Variants in ERG observed in about 807,000 individuals in gnomAD.
ERG encodes the protein ETS transcription factor ERG, also known as transcriptional regulator ERG.
Under a neutral mutation model 55.3 loss-of-function variants are expected in ERG, and 9 were observed. The observed-to-expected ratio is 0.16, with a 90% CI of 0.10 to 0.28. The LOEUF (loss-of-function observed/expected upper bound fraction) is 0.28. Among genes scored for constraint, ERG ranks in the 10% least tolerant of loss-of-function variants. ERG has a pLI of 1.00. For missense variants in ERG, 434 were observed against 631.6 expected (o/e 0.69, Z 3.35); for synonymous variants, 223 against 237.3 (o/e 0.94, Z 0.55).
At chr21:38,397,748 A>C (rs1988299599) in intron 6 of ERG, among the ~76,000 whole-genome samples, 1 of 152,120 alleles carries the variant, frequency 6.6e-6, no homozygotes, top group Admixed American at 6.5e-5. Flanking sequence ...GCAGCAGGAC[A>C]ACACACATGT....
chr21:38,577,887 G>T (rs1384789931), intron 1 of ERG, among the ~76,000 whole-genome samples: 1 of 152,154 alleles, frequency 6.6e-6, no homozygotes, highest in African/African-American at 2.4e-5. Flanking sequence ...ACTGAAGCTC[G>T]TCCCCCTCCC....
intron 2 of ERG, among the ~76,000 whole-genome samples, chr21:38,546,947 C>T (rs536159200): frequency 6.6e-6 from 1 of 152,300 alleles, no homozygotes; most frequent in East Asian, 1.9e-4. Flanking sequence ...TCAGTTATGA[C>T]TTATTTCATG....
intron 3 of ERG, among the ~76,000 whole-genome samples, chr21:38,422,595 T>C (rs1051384279): frequency 5.8e-4 from 89 of 152,380 alleles, no homozygotes; most frequent in African/African-American, 2.1e-3. Flanking sequence ...GTTGTTCTTA[T>C]ATTTCTGGCT....
At chr21:38,476,037 T>C (rs916045264) in intron 1 of ERG, among the ~76,000 whole-genome samples, 19 of 152,184 alleles carry the variant, frequency 1.2e-4, no homozygotes, top group Non-Finnish European at 2.5e-4. Context: ...TTCAGGCAAA[T>C]ATGTCATGAT....
chr21:38,567,731 G>A (rs899920384), intron 2 of ERG, among the ~76,000 whole-genome samples: 2 of 152,192 alleles, frequency 1.3e-5, no homozygotes, highest in African/African-American at 4.8e-5. Flanking sequence ...GGGCTCCATC[G>A]TGAAATCCAC....
intron 1 of ERG, among the ~76,000 whole-genome samples, chr21:38,482,327 G>A (rs1486453123): frequency 2.0e-5 from 3 of 152,160 alleles, no homozygotes; most frequent in East Asian, 1.9e-4. Context: ...ATCACCTCAC[G>A]CCTGTTCAGA....
intron 1 of ERG, among the ~76,000 whole-genome samples, chr21:38,575,936 T>C (rs2059992081): frequency 6.6e-6 from 1 of 152,216 alleles, no homozygotes; most frequent in African/African-American, 2.4e-5. Context: ...TTCCCTTCCA[T>C]TGGGAAAATC....
At chr21:38,522,095 C>T (rs1366113990) in intron 2 of ERG, among the ~76,000 whole-genome samples, 2 of 152,122 alleles carry the variant, frequency 1.3e-5, no homozygotes, top group African/African-American at 4.8e-5. Flanking sequence ...TTGCTTTAAT[C>T]TAAACCTAAA....
chr21:38,378,020 C>G (rs1466601376), downstream of ERG, among the ~76,000 whole-genome samples: 1 of 152,194 alleles, frequency 6.6e-6, no homozygotes, highest in Non-Finnish European at 1.5e-5. Context: ...ATTTTAATCT[C>G]CAAGCAGACT....
chr21:38,444,513 T>C (rs2058870923), intron 2 of ERG, among the ~76,000 whole-genome samples: 1 of 152,238 alleles, frequency 6.6e-6, no homozygotes, highest in Non-Finnish European at 1.5e-5. Flanking sequence ...AGATTTGATA[T>C]TCTTTTTCCT....
rs760116190 is a variant in ERG at position 38,445,475 on chromosome 21, A to G, written c.165T>C (p.Asp55=). The G allele has an allele frequency of 1.9e-5, 31 of 1,614,010 alleles. No individual in the cohort carries two copies. The South Asian group carries it at 2.7e-4, about 14-fold the overall frequency. The change falls in exon 2 of 10, where the codon GAT becomes GAC. Residue 55 remains aspartate, a synonymous_variant. Coordinates refer to ENST00000288319, the MANE Select transcript of ERG (RefSeq NM_182918.4). ...CCCTGGCTGGGGGTTGAGACAGCCA[A>G]TCCTGCTGAGGGACGCGTGGGCTCA... ...SKMSPRVPQQ[D]WLSQPPARVT...
intron 1 of ERG, among the ~76,000 whole-genome samples, chr21:38,602,104 G>GT (rs1277406479): frequency 6.6e-6 from 1 of 152,124 alleles, no homozygotes; most frequent in Non-Finnish European, 1.5e-5. Context: ...ATGCATCTCA[G>GT]TTTTTAACTT....
chr21:38,606,998 T>C (rs927259091), intron 1 of ERG, among the ~76,000 whole-genome samples: 12 of 152,214 alleles, frequency 7.9e-5, no homozygotes, highest in Admixed American at 5.2e-4. Context: ...AGTCATATCA[T>C]GATAAAACAT....
chr21:38,519,353 C>T (rs922961934), intron 2 of ERG, among the ~76,000 whole-genome samples: 2 of 152,220 alleles, frequency 1.3e-5, no homozygotes, highest in Non-Finnish European at 2.9e-5. Flanking sequence ...CATTACTACC[C>T]TCAGGCCTAC....
At chr21:38,503,577 T>C (rs1179154167) in intron 2 of ERG, among the ~76,000 whole-genome samples, 3 of 152,130 alleles carry the variant, frequency 2.0e-5, no homozygotes, top group Admixed American at 6.5e-5. Flanking sequence ...CCTCAAATTC[T>C]GCACACATAA....
At chr21:38,483,386 A>G (rs1344261548) in intron 1 of ERG, among the ~76,000 whole-genome samples, 1 of 152,242 alleles carries the variant, frequency 6.6e-6, no homozygotes, top group Non-Finnish European at 1.5e-5. Flanking sequence ...ATGTATATCA[A>G]AACATCATGT....
intron 2 of ERG, among the ~76,000 whole-genome samples, chr21:38,542,310 G>T (rs560207760): frequency 6.6e-6 from 1 of 152,142 alleles, no homozygotes; most frequent in Non-Finnish European, 1.5e-5. Flanking sequence ...ATTTTATCAC[G>T]ACAGTTATAA....
chr21:38,613,752 G>C (rs2060242503), intron 1 of ERG, among the ~76,000 whole-genome samples: 1 of 152,190 alleles, frequency 6.6e-6, no homozygotes, highest in Non-Finnish European at 1.5e-5. Context: ...CATCACGATG[G>C]GTAAAGAAGG....
downstream of ERG, among the ~76,000 whole-genome samples, chr21:38,379,741 A>C (rs1380929426): frequency 3.3e-5 from 5 of 152,136 alleles, no homozygotes; most frequent in Non-Finnish European, 5.9e-5. Context: ...GCTTTGTCAA[A>C]AATTTATTTT....
Sources: allele counts gnomAD v4.1 joint callset (sites outside exome capture counted in the v4.1 genomes callset), GRCh38; gene constraint gnomAD v4.1.1; transcripts MANE v1.5; gene names NCBI Gene and HGNC (gene_info 2026-07-23, HGNC 2026-07-21).